Variants in LINGO2 observed in about 807,000 individuals in gnomAD.
LINGO2 encodes the protein leucine-rich repeat and immunoglobulin-like domain-containing nogo receptor-interacting protein 2.
In LINGO2, 14 loss-of-function variants were observed where a neutral mutation model predicts 30.6. The observed-to-expected ratio is 0.46, with a 90% CI of 0.30 to 0.72. The LOEUF (loss-of-function observed/expected upper bound fraction) is 0.72. LINGO2 is among the 30% of genes least tolerant of loss of function. The pLI is 0.07. For missense variants in LINGO2, 729 were observed against 751.7 expected (o/e 0.97, Z 0.35); for synonymous variants, 317 against 288.5 (o/e 1.10, Z -1.00).
At position 28,207,778 on chromosome 9, in the gene LINGO2, G is replaced by A. The variant is rs1213382777; in HGVS notation, c.-87+87430C>T. ...GCTGAGTATGAAGACATAAACATTT[G>A]GTGCCATGCCTAAAAATAATTAGCT... On this transcript the variant is annotated intron_variant, in intron 4 of 5. Coordinates refer to ENST00000379992, the Ensembl canonical transcript of LINGO2. Among the ~76,000 whole-genome samples the A allele has an allele frequency of 2.0e-5, 3 of 152,050 alleles. No homozygotes were observed. In the East Asian group the frequency reaches 5.8e-4, roughly 29 times the overall value.
intron 1 of LINGO2, among the ~76,000 whole-genome samples, chr9:28,581,119 G>A (rs1305658844): frequency 1.3e-5 from 2 of 151,972 alleles, no homozygotes; most frequent in Non-Finnish European, 2.9e-5. Context: ...TCAGGCTGTT[G>A]ACATTTTCTG....
At chr9:28,515,881 A>C (rs561624900) in intron 1 of LINGO2, among the ~76,000 whole-genome samples, 23 of 152,176 alleles carry the variant, frequency 1.5e-4, no homozygotes, top group Non-Finnish European at 1.5e-5. Context: ...ATCTTGTGAA[A>C]GGAAGAGTCA....
At chr9:28,303,281 G>A (rs1372075726) in intron 3 of LINGO2, among the ~76,000 whole-genome samples, 1 of 152,024 alleles carries the variant, frequency 6.6e-6, no homozygotes, top group Non-Finnish European at 1.5e-5. Flanking sequence ...CTAATTCTCT[G>A]ATTTTTATTA....
chr9:29,123,066 A>C, the LINGO2 span, among the ~76,000 whole-genome samples: 1 of 152,078 alleles, frequency 6.6e-6, no homozygotes, highest in East Asian at 1.9e-4. Flanking sequence ...GCCACACTTT[A>C]ATCAGCAAGC....
chr9:28,798,538 T>C, the LINGO2 span, among the ~76,000 whole-genome samples: 1 of 152,094 alleles, frequency 6.6e-6, no homozygotes, highest in Non-Finnish European at 1.5e-5. Context: ...TTTCAGGCCA[T>C]GACTTGAAAA....
At chr9:28,169,616 A>G (rs981615175) in intron 4 of LINGO2, among the ~76,000 whole-genome samples, 1 of 152,238 alleles carries the variant, frequency 6.6e-6, no homozygotes, top group Admixed American at 6.5e-5. Flanking sequence ...AAAATGGACA[A>G]AATCAATATC....
At chr9:28,415,070 TA>T (rs1449346595) in intron 2 of LINGO2, among the ~76,000 whole-genome samples, 1 of 151,864 alleles carries the variant, frequency 6.6e-6, no homozygotes, top group Non-Finnish European at 1.5e-5. Context: ...AGAACACATA[TA>T]AAAAAAGAGA....
At chr9:28,526,419 T>G (rs1266740869) in intron 1 of LINGO2, among the ~76,000 whole-genome samples, 1 of 152,194 alleles carries the variant, frequency 6.6e-6, no homozygotes, top group Non-Finnish European at 1.5e-5. Flanking sequence ...CTTCCATCTT[T>G]CTGTTGTAGA....
chr9:27,978,842 T>A (rs890315254), intron 5 of LINGO2, among the ~76,000 whole-genome samples: 3 of 151,996 alleles, frequency 2.0e-5, no homozygotes, highest in African/African-American at 7.2e-5. Flanking sequence ...TGTTGAAAAA[T>A]GGAAAATACA....
the LINGO2 span, among the ~76,000 whole-genome samples, chr9:28,891,805 CA>C: frequency 7.9e-5 from 12 of 151,794 alleles, no homozygotes; most frequent in Non-Finnish European, 1.3e-4. Context: ...AGAAAATGGT[CA>C]AAGTCACAGA....
At chr9:27,946,172 A>G (rs1294992752), downstream of LINGO2, among the ~76,000 whole-genome samples, 1 of 152,076 alleles carries the variant, frequency 6.6e-6, no homozygotes, top group Non-Finnish European at 1.5e-5. Context: ...CCTGAAGATA[A>G]ACAATATTAA....
chr9:27,996,644 T>G (rs1399748044), intron 5 of LINGO2, among the ~76,000 whole-genome samples: 1 of 152,156 alleles, frequency 6.6e-6, no homozygotes, highest in East Asian at 1.9e-4. Flanking sequence ...GGGGGGTTAG[T>G]TAATGGGTAA....
intron 4 of LINGO2, among the ~76,000 whole-genome samples, chr9:28,265,162 A>C (rs1418488504): frequency 1.4e-5 from 2 of 147,344 alleles, no homozygotes; most frequent in Admixed American, 1.4e-4. Context: ...GTATATACAC[A>C]ACAACACAAC....
At chr9:28,368,594 C>T (rs1380837565) in intron 3 of LINGO2, among the ~76,000 whole-genome samples, 1 of 123,624 alleles carries the variant, frequency 8.1e-6, no homozygotes, top group African/African-American at 2.8e-5. Flanking sequence ...CTTTTCTTTT[C>T]TTTTTTTTTT....
the LINGO2 span, among the ~76,000 whole-genome samples, chr9:28,995,585 G>A: frequency 1.3e-5 from 2 of 152,046 alleles, no homozygotes; most frequent in South Asian, 2.1e-4. Context: ...GTTTATTGCC[G>A]CACTATTCAC....
rs560444056 is a variant in LINGO2, at chr9:28,396,199, T to C, written c.-278-23331A>G. On this transcript the variant is annotated intron_variant, in intron 2 of 5. Transcript: ENST00000379992. ...AATTACCAGGTGCCAGGTGCTGTTATAAGCACTTTTTTATGTATTGACTCA... is the reference window on the plus strand; with the variant it reads ...AATTACCAGGTGCCAGGTGCTGTTACAAGCACTTTTTTATGTATTGACTCA... Among the ~76,000 whole-genome samples, 297 of 152,312 alleles carry C rather than the reference T, an allele frequency of 1.9e-3. 2 individuals are homozygous for C. Among genetic ancestry groups the C allele is most frequent in the African/African-American group, 6.9e-3 (288 of 41,572 alleles).
At chr9:28,789,311 CTAT>C in the LINGO2 span, among the ~76,000 whole-genome samples, 1 of 152,090 alleles carries the variant, frequency 6.6e-6, no homozygotes, top group Non-Finnish European at 1.5e-5. Flanking sequence ...TAAATAAAAG[CTAT>C]TATCTCAATA....
chr9:28,616,906 C>T (rs1341036973), intron 1 of LINGO2, among the ~76,000 whole-genome samples: 1 of 152,204 alleles, frequency 6.6e-6, no homozygotes, highest in African/African-American at 2.4e-5. Context: ...TCTTTCATCA[C>T]AACTATAAAC....
the LINGO2 span, among the ~76,000 whole-genome samples, chr9:29,156,363 T>C: frequency 6.6e-6 from 1 of 152,100 alleles, no homozygotes; most frequent in Admixed American, 6.5e-5. Context: ...GTAGTGTAGT[T>C]TCAACAATAT....
Sources: allele counts gnomAD v4.1 joint callset (sites outside exome capture counted in the v4.1 genomes callset), GRCh38; gene constraint gnomAD v4.1.1; transcripts MANE v1.5; gene names NCBI Gene and HGNC (gene_info 2026-07-23, HGNC 2026-07-21).